Variants in KL observed in about 807,000 individuals in gnomAD.
KL encodes the protein alpha-klotho.
KL carries 62 observed loss-of-function variants against 84.2 expected under a neutral mutation model. The observed-to-expected ratio is 0.74, with a 90% CI of 0.60 to 0.91. The LOEUF is 0.91. KL is among the 40% of genes least tolerant of loss of function. The pLI is 0.00. For missense variants in KL, 1,261 were observed against 1,305.7 expected (o/e 0.97, Z 0.53); for synonymous variants, 528 against 528.0 (o/e 1.00, Z 0.00).
chr13:33,057,750 TTG>T (rs1872019894), intron 3 of KL, among the ~76,000 whole-genome samples: 1 of 151,702 alleles, frequency 6.6e-6, no homozygotes, highest in Admixed American at 6.6e-5. Flanking sequence ...ACCTCAGGCT[TTG>T]TGTTATATTG....
chr13:33,030,134 A>G (rs1044550589), intron 1 of KL, among the ~76,000 whole-genome samples: 13 of 152,282 alleles, frequency 8.5e-5, no homozygotes, highest in Admixed American at 5.2e-4. Context: ...ACCCACTTCT[A>G]TGATAACAGC....
intron 1 of KL, among the ~76,000 whole-genome samples, chr13:33,043,844 A>G (rs1282852105): frequency 6.6e-6 from 1 of 152,220 alleles, no homozygotes; most frequent in Non-Finnish European, 1.5e-5. Flanking sequence ...AGCGAAATGT[A>G]AAGGCAAATC....
chr13:33,016,981 C>G lies in KL; in HGVS notation c.541C>G (p.Arg181Gly), dbSNP rs774869236. Residue 181 changes from arginine to glycine, a missense_variant, in exon 1 of 5, where the codon CGG (arginine) becomes GGG (glycine). By Grantham distance (125) the Arg-to-Gly change is moderately radical (BLOSUM62 -2). Transcript: ENST00000380099. ...RYYRRLLERL[R>G]ELGVQPVVTL... Reference sequence around the variant, plus strand: ...CTACCGGCGCCTGCTGGAGCGGCTGCGGGAGCTGGGCGTGCAGCCCGTGGT... The same window carrying G: ...CTACCGGCGCCTGCTGGAGCGGCTGGGGGAGCTGGGCGTGCAGCCCGTGGT... 1.9e-6 allele frequency: 3 copies of G among 1,595,350 alleles called. No homozygotes were observed. In the Admixed American group the frequency reaches 5.1e-5, roughly 27 times the overall value.
At position 33,048,585 on chromosome 13, in the gene KL, T is replaced by G. The variant is rs565812674; in HGVS notation, c.820-5182T>G. ...TGCAGACTTCTAGGTCCTTCCTTTGTGTAGATTTCTTCTCTCCAGTACGTT... is the reference window on the plus strand; with the variant it reads ...TGCAGACTTCTAGGTCCTTCCTTTGGGTAGATTTCTTCTCTCCAGTACGTT... On this transcript the variant is annotated intron_variant, in intron 1 of 4. Coordinates refer to ENST00000380099, the MANE Select transcript of KL (RefSeq NM_004795.4). Among the ~76,000 whole-genome samples the G allele has an allele frequency of 3.3e-5, 5 of 152,364 alleles. No homozygotes were observed. The East Asian group carries it at 5.8e-4, about 18-fold the overall frequency.
chr13:33,043,630 C>G (rs748239738), intron 1 of KL, among the ~76,000 whole-genome samples: 8 of 152,116 alleles, frequency 5.3e-5, no homozygotes, highest in Non-Finnish European at 1.2e-4. Context: ...TATGTGTTTA[C>G]TGAGCATTGG....
At chr13:33,042,812 C>A (rs1308808634) in intron 1 of KL, among the ~76,000 whole-genome samples, 1 of 151,912 alleles carries the variant, frequency 6.6e-6, no homozygotes, top group Non-Finnish European at 1.5e-5. Context: ...CTCCCGAGTA[C>A]CTGGGATTAC....
chr13:33,031,236 A>T (rs192475484), intron 1 of KL, among the ~76,000 whole-genome samples: 2 of 152,318 alleles, frequency 1.3e-5, no homozygotes, highest in African/African-American at 4.8e-5. Flanking sequence ...AGGAAGAAAT[A>T]GTATATAGAA....
chr13:33,053,903 C>T lies in KL; in HGVS notation c.956C>T (p.Ser319Phe), dbSNP rs138955761. The change falls in exon 2 of 5, where the codon TCT becomes TTT. Residue 319 changes from serine (S) to phenylalanine (F), a missense_variant. Coordinates refer to ENST00000380099, the MANE Select transcript of KL (RefSeq NM_004795.4). ...CACAGCATCAAAGAATGTCAAAAAT[C>T]TCTGGACTTTGTACTAGGTTGGTTT... The part of the protein sequence containing the change: ...TDHSIKECQK[S>F]LDFVLGWFAK... The T allele has an allele frequency of 1.7e-4, 268 of 1,614,036 alleles. No individual in the cohort carries two copies. The highest frequency in any genetic ancestry group is 2.2e-4 in the Non-Finnish European group (261 of 1,180,026).
chr13:33,056,492 G>C (rs1004527845), intron 3 of KL, among the ~76,000 whole-genome samples: 1 of 152,142 alleles, frequency 6.6e-6, no homozygotes, highest in Non-Finnish European at 1.5e-5. Context: ...GGCAGTCTCA[G>C]ACTTAAACCC....
intron 3 of KL, among the ~76,000 whole-genome samples, chr13:33,057,226 C>T (rs1871995963): frequency 6.6e-6 from 1 of 152,066 alleles, no homozygotes; most frequent in South Asian, 2.1e-4. Context: ...TTGTATGCGG[C>T]ACAATCTCCC....
intron 1 of KL, among the ~76,000 whole-genome samples, chr13:33,021,745 G>A (rs554679005): frequency 2.0e-5 from 3 of 152,204 alleles, no homozygotes; most frequent in East Asian, 1.9e-4. Flanking sequence ...TTCACCAGAC[G>A]TGGTGGCAGG....
At chr13:33,043,473 G>T (rs1418809529) in intron 1 of KL, among the ~76,000 whole-genome samples, 1 of 152,194 alleles carries the variant, frequency 6.6e-6, no homozygotes, top group Non-Finnish European at 1.5e-5. Context: ...GCCCGCCTCA[G>T]CCTCCCAAAT....
rs649964 is a variant in KL at position 33,061,698 on chromosome 13, T to C, written c.2619T>C (p.Asn873=). ...ACCTCCCCATGTACATAATATCCAA[T>C]GGAATCGATGACGGGCTGCATGCTG... ...YGDLPMYIIS[N]GIDDGLHAED... is the part of the protein sequence containing the mutation. Residue 873 remains asparagine (N), a synonymous_variant, in exon 4 of 5, where the codon AAT becomes AAC. Coordinates refer to ENST00000380099, the MANE Select transcript of KL (RefSeq NM_004795.4). 1 allele frequency: 1,606,305 copies of C among 1,613,994 alleles called. 799,606 individuals carry two copies. The highest frequency in any genetic ancestry group is 1 in the East Asian group (44,870 of 44,872).
intron 1 of KL, among the ~76,000 whole-genome samples, chr13:33,025,257 C>G (rs1870727927): frequency 6.6e-6 from 1 of 152,176 alleles, no homozygotes; most frequent in African/African-American, 2.4e-5. Context: ...CTTGTAAGAT[C>G]AGAGGCTGGC....
intron 1 of KL, among the ~76,000 whole-genome samples, chr13:33,027,020 G>C (rs1244126129): frequency 6.6e-6 from 1 of 152,106 alleles, no homozygotes; most frequent in Non-Finnish European, 1.5e-5. Flanking sequence ...CAACTTTACC[G>C]CGTCTCCTGG....
chr13:33,036,390 G>A (rs1871146897), intron 1 of KL, among the ~76,000 whole-genome samples: 1 of 149,888 alleles, frequency 6.7e-6, no homozygotes, highest in Non-Finnish European at 1.5e-5. Context: ...CCACACACAT[G>A]CACACACACC....
At chr13:33,032,023 G>GT (rs35657887) in intron 1 of KL, among the ~76,000 whole-genome samples, 2 of 152,008 alleles carry the variant, frequency 1.3e-5, no homozygotes, top group Admixed American at 1.3e-4. Flanking sequence ...CAAAACTCAG[G>GT]TTTTCTGAAC....
In KL at chr13:33,016,984, G is replaced by A; in HGVS notation, c.544G>A (p.Glu182Lys). ...CCGGCGCCTGCTGGAGCGGCTGCGG[G>A]AGCTGGGCGTGCAGCCCGTGGTCAC... ...YYRRLLERLR[E>K]LGVQPVVTLY... is the part of the protein sequence containing the mutation. The change falls in exon 1 of 5, where the codon GAG (glutamate) becomes AAG (lysine). Residue 182 changes from glutamate (E) to lysine (K), a missense_variant. Transcript: ENST00000380099. 2.5e-6 allele frequency: 4 copies of A among 1,595,194 alleles called. No homozygotes were observed. The highest frequency in any genetic ancestry group is 3.4e-6 in the Non-Finnish European group (4 of 1,173,734).
intron 1 of KL, among the ~76,000 whole-genome samples, chr13:33,030,007 G>T (rs1870919169): frequency 6.6e-6 from 1 of 151,840 alleles, no homozygotes; most frequent in Non-Finnish European, 1.5e-5. Flanking sequence ...CAAGTCTCTG[G>T]CATCTGGTGA....
Sources: gnomAD v4.1 joint callset for allele counts (sites outside exome capture counted in the v4.1 genomes callset) on GRCh38, gnomAD v4.1.1 for gene constraint, MANE v1.5 for transcripts, NCBI Gene and HGNC (gene_info 2026-07-23, HGNC 2026-07-21) for gene names.